Variants in LYST observed in about 807,000 individuals in gnomAD.
The protein encoded by LYST is lysosomal-trafficking regulator.
A neutral mutation model predicts 413.6 loss-of-function variants in LYST; 192 were observed. That is an observed-to-expected ratio of 0.46 (90% CI 0.41 to 0.52). LYST has a LOEUF of 0.52. Ranked by LOEUF, LYST falls within the 20% of genes least tolerant of loss-of-function variation. LYST has a pLI of 0.00. For synonymous variants in LYST, 1,525 were observed against 1,567.3 expected (o/e 0.97, Z 0.64); for missense variants, 3,815 against 4,499.9 (o/e 0.85, Z 4.35).
chr1:235,791,690 T>C lies in LYST; in HGVS notation c.4543+9A>G. On this transcript the variant is annotated intron_variant, in intron 12 of 52. Transcript: ENST00000389793. Reference sequence around the variant, plus strand: ...TTTGTGTACAAATCAGATAATCCTGTCATCATACCTGTACCATCAAAACTG... The same window carrying C: ...TTTGTGTACAAATCAGATAATCCTGCCATCATACCTGTACCATCAAAACTG... The C allele has an allele frequency of 6.3e-7, 1 of 1,599,160 alleles. No individual in the cohort carries two copies. The highest frequency in any genetic ancestry group is 8.6e-7 in the Non-Finnish European group (1 of 1,168,744).
intron 50 of LYST, among the ~76,000 whole-genome samples, chr1:235,668,710 C>G (rs1235767016): frequency 6.6e-6 from 1 of 152,134 alleles, no homozygotes; most frequent in African/African-American, 2.4e-5. Context: ...ACTGCCAAAA[C>G]AAGAAAGTAG....
chr1:235,788,868 T>C (rs1186957787), intron 12 of LYST, 23 bp from the exon 13 acceptor site: 1 of 1,611,208 alleles, frequency 6.2e-7, no homozygotes, highest in Admixed American at 1.7e-5. Flanking sequence ...GATGTTAGAA[T>C]GATCAGTAAA....
chr1:235,738,207 C>T (rs1664987437), intron 31 of LYST: 1 of 1,610,468 alleles, frequency 6.2e-7, no homozygotes, highest in East Asian at 2.2e-5. Flanking sequence ...CCATGGCAGC[C>T]TTTTCCTTAG....
In LYST at chr1:235,800,385, C is replaced by G. The variant is rs769307814; in HGVS notation, c.3941G>C (p.Gly1314Ala). The G allele has an allele frequency of 9.1e-6, 14 of 1,541,538 alleles. No individual in the cohort carries two copies. Among genetic ancestry groups the G allele is most frequent in the Admixed American group, 1.7e-5 (1 of 59,834 alleles). ...CCCTCCTAAAAGATTTTTCACAGTT[C>G]CCTGAAGATTAAAAAAAATACAAAA... is the stretch of plus-strand genomic sequence containing the variant. Reference protein sequence around the residue: ...EKNVFLLMQQGTVKNLLGGFL... With the variant: ...EKNVFLLMQQATVKNLLGGFL... Residue 1314 changes from glycine (G) to alanine (A), a missense_variant and splice_region_variant, in exon 10 of 53, where the codon GGA (glycine) becomes GCA (alanine). Physicochemically the swap from Gly to Ala is moderately conservative, Grantham distance 60 (BLOSUM62 0). Transcript: ENST00000389793.
chr1:235,780,598 T>G (rs1022180338), intron 16 of LYST, among the ~76,000 whole-genome samples: 1 of 151,964 alleles, frequency 6.6e-6, no homozygotes, highest in Non-Finnish European at 1.5e-5. Context: ...CCTGAATAAT[T>G]AGTAGGTATA....
chr1:235,882,843 T>TA (rs759423696), intron 1 of LYST, among the ~76,000 whole-genome samples: 1 of 152,172 alleles, frequency 6.6e-6, no homozygotes, highest in African/African-American at 2.4e-5. Flanking sequence ...AGTGAGTCCT[T>TA]ATAACTACGC....
intron 21 of LYST, among the ~76,000 whole-genome samples, chr1:235,763,980 T>C (rs888955499): frequency 6.6e-6 from 1 of 152,182 alleles, no homozygotes; most frequent in South Asian, 2.1e-4. Context: ...CTTACCACCT[T>C]GGATAAAACC....
intron 19 of LYST, 23 bp downstream of exon 19, chr1:235,773,819 G>A: frequency 6.2e-7 from 1 of 1,603,424 alleles, no homozygotes. Flanking sequence ...ATAAAAAATG[G>A]AAAAAAAGTA....
chr1:235,724,914 A>T (rs1558154837), intron 38 of LYST, among the ~76,000 whole-genome samples: 1 of 152,226 alleles, frequency 6.6e-6, no homozygotes, highest in Non-Finnish European at 1.5e-5. Flanking sequence ...CTAAGCAGGG[A>T]GTGATACTCT....
intron 1 of LYST, among the ~76,000 whole-genome samples, chr1:235,874,493 C>T (rs1681058708): frequency 6.6e-6 from 1 of 152,176 alleles, no homozygotes; most frequent in South Asian, 2.1e-4. Flanking sequence ...GGAAAGCAGC[C>T]TCTAAACTTG....
chr1:235,857,219 T>C (rs894799897), intron 1 of LYST, among the ~76,000 whole-genome samples: 1 of 152,158 alleles, frequency 6.6e-6, no homozygotes, highest in African/African-American at 2.4e-5. Context: ...TGTTTGGTCA[T>C]ACCAGTGATA....
chr1:235,738,904 A>C lies in LYST; in HGVS notation c.8358+2518T>G, dbSNP rs1665073390. On this transcript the variant is annotated intron_variant, in intron 31 of 52. Transcript: ENST00000389793. ...GAGAATGGAATCTCAGACCGTGTGA[A>C]GGTGACTCTGACTCCTGAGGAAGGG... The C allele has an allele frequency of 4.1e-6, 3 of 736,606 alleles. No homozygotes were observed. In the South Asian group the frequency reaches 4.3e-5, roughly 11 times the overall value. The allele number at this position is 736,606 out of a possible 1,614,324, so 45.6% of individuals were successfully genotyped here.
At chr1:235,861,383 T>C (rs979894224) in intron 1 of LYST, among the ~76,000 whole-genome samples, 4 of 152,210 alleles carry the variant, frequency 2.6e-5, no homozygotes, top group African/African-American at 9.6e-5. Flanking sequence ...CCAAACGTAT[T>C]GGACCTCTCT....
chr1:235,714,344 G>C (rs928805325), intron 42 of LYST, among the ~76,000 whole-genome samples: 8 of 152,282 alleles, frequency 5.3e-5, no homozygotes, highest in Middle Eastern at 3.4e-3. Flanking sequence ...AAGAGAGAGA[G>C]AGAAAGGGAA....
chr1:235,691,172 C>T (rs1480756528), intron 47 of LYST, among the ~76,000 whole-genome samples: 1 of 152,162 alleles, frequency 6.6e-6, no homozygotes, highest in Non-Finnish European at 1.5e-5. Context: ...CCCGCCTCGG[C>T]CTCCCAAAGC....
intron 22 of LYST, among the ~76,000 whole-genome samples, chr1:235,760,876 A>G (rs879542965): frequency 6.6e-6 from 1 of 152,236 alleles, no homozygotes; most frequent in Non-Finnish European, 1.5e-5. Flanking sequence ...TCTGGAAAAA[A>G]TGGGGGTATG....
intron 3 of LYST, among the ~76,000 whole-genome samples, chr1:235,817,976 G>A (rs1674355460): frequency 6.6e-6 from 1 of 152,014 alleles, no homozygotes; most frequent in Non-Finnish European, 1.5e-5. Context: ...AAATACGTAA[G>A]TTTTACAATA....
In LYST at chr1:235,801,116, A is replaced by G. The variant is rs1477674232; in HGVS notation, c.3713-19T>C. On this transcript the variant is annotated intron_variant, in intron 8 of 52. Transcript: ENST00000389793. ...TCTACCCCTGAAAAGAGAAAAGCGAAAGATTACTTGTATTCCCTAAACACT... is the reference window on the plus strand; with the variant it reads ...TCTACCCCTGAAAAGAGAAAAGCGAGAGATTACTTGTATTCCCTAAACACT... 1 of 1,438,194 alleles carries G rather than the reference A, an allele frequency of 7.0e-7. No individual in the cohort carries two copies. The highest frequency in any genetic ancestry group is 1.4e-5 in the African/African-American group (1 of 71,590). The allele number at this position is 1,438,194 out of a possible 1,614,324, so 89.1% of individuals were successfully genotyped here. A position where few individuals can be genotyped will look rare whatever the true frequency, so the allele number is the denominator to read the frequency against.
At chr1:235,728,236 A>C in intron 37 of LYST, 105 bp from the exon 38 acceptor site, 23 of 801,564 alleles carry the variant, frequency 2.9e-5, no homozygotes, top group Non-Finnish European at 4.0e-5. Flanking sequence ...TTTGAATCTC[A>C]CTACCTCGAC....
Sources: allele counts gnomAD v4.1 joint callset (sites outside exome capture counted in the v4.1 genomes callset), GRCh38; gene constraint gnomAD v4.1.1; transcripts MANE v1.5; gene names NCBI Gene and HGNC (gene_info 2026-07-23, HGNC 2026-07-21).